Variants in ID4 observed in about 807,000 individuals in gnomAD.
The protein encoded by ID4 is inhibitor of DNA binding 4.
In ID4, 9 loss-of-function variants were observed where a neutral mutation model predicts 8.6. The ratio of observed to expected loss-of-function variants is 1.04; its 90% confidence interval spans 0.63 to 1.82. The LOEUF is 1.82. Among genes scored for constraint, ID4 ranks in the 40% most tolerant of loss-of-function variants. The pLI, the probability that ID4 is intolerant of heterozygous loss-of-function variation, is 0.00. For missense variants in ID4, 270 were observed against 235.1 expected, an observed-to-expected ratio of 1.15 and a Z score of -0.97; for synonymous variants, 180 against 118.0, an observed-to-expected ratio of 1.53 and a Z score of -3.41.
Position 19,839,234 on chromosome 6 carries a change from C to T in ID4, c.*39C>T, listed in dbSNP as rs1203542727. On this transcript the variant is annotated 3_prime_UTR_variant, in exon 3 of 3. Transcript: ENST00000378700. ...GGTGTGCGGCCGCCTGAGCCCGAGC[C>T]AGGAGCACTAGAGAGGGAGGGGGAA... 1.3e-5 allele frequency: 2 copies of T among 152,822 alleles called. No individual in the cohort carries two copies. The highest frequency in any genetic ancestry group is 4.8e-5 in the African/African-American group (2 of 41,362). 9.5% of individuals were successfully genotyped at this position (152,822 alleles called of 1,614,324 possible).
rs1761364590 is a variant in ID4 at position 19,841,842 on chromosome 6, AGTT to A, written c.*2648_*2650del. Among the ~76,000 whole-genome samples, 2 of 152,328 alleles carry A rather than the reference AGTT, an allele frequency of 1.3e-5. No individual in the cohort carries two copies. Among genetic ancestry groups the A allele is most frequent in the African/African-American group, 4.8e-5 (2 of 41,588 alleles). ...GGTAGTTCTAATTATTCAGCTACTTAGTTTAACAAAGGAAAATATCCTGACTTC... is the reference window on the plus strand; with the variant it reads ...GGTAGTTCTAATTATTCAGCTACTTATAACAAAGGAAAATATCCTGACTTC... On this transcript the variant is annotated 3_prime_UTR_variant, in exon 3 of 3. Transcript: ENST00000378700.
chr6:19,838,614 A>G lies in ID4; in HGVS notation c.472A>G (p.Ile158Val). Reference protein sequence around the residue: ...AGAVNKQGDSILCR With the variant: ...AGAVNKQGDSVLCR ...CGCGGTGAACAAGCAGGGCGACAGC[A>G]TTCTGTGCCGCTGAGCCGCGCTGTC... Residue 158 changes from isoleucine to valine, a missense_variant, in exon 2 of 3, where the codon ATT (isoleucine) becomes GTT (valine). Ile to Val is a conservative substitution (Grantham distance 29). Around this residue, in one of 3 missense-constraint regions of ID4, gnomAD observed 107 missense variants for 81.0 expected, o/e 1.32. Transcript: ENST00000378700. The G allele has an allele frequency of 6.2e-7, 1 of 1,613,862 alleles. No individual in the cohort carries two copies. Among genetic ancestry groups the G allele is most frequent in the Non-Finnish European group, 8.5e-7 (1 of 1,179,888 alleles).
Position 19,837,668 on chromosome 6 carries a change from G to T in ID4, c.-87G>T. 1.0e-6 allele frequency: 1 copy of T among 958,692 alleles called. No homozygotes were observed. The highest frequency in any genetic ancestry group is 5.6e-5 in the Admixed American group (1 of 17,958). The allele number at this position is 958,692 out of a possible 1,614,324, so 59.4% of individuals were successfully genotyped here. On this transcript the variant is annotated 5_prime_UTR_variant, in exon 1 of 3. Coordinates refer to ENST00000378700, the MANE Select transcript of ID4 (RefSeq NM_001546.4). Reference sequence around the variant, plus strand: ...GCCGGGCGCGGAGGCAAAGGGAGCGGAGCCGGCCGCGGACGGGGCCCGGAG... The same window carrying T: ...GCCGGGCGCGGAGGCAAAGGGAGCGTAGCCGGCCGCGGACGGGGCCCGGAG...
In ID4 at chr6:19,838,630, C is replaced by G. The variant is rs1761284713; in HGVS notation, c.*2C>G. ...GGCGACAGCATTCTGTGCCGCTGAG[C>G]CGCGCTGTCCAGGTGAGCGCGCATT... On this transcript the variant is annotated 3_prime_UTR_variant, in exon 2 of 3. Coordinates refer to ENST00000378700, the MANE Select transcript of ID4 (RefSeq NM_001546.4). The G allele has an allele frequency of 1.9e-6, 3 of 1,613,740 alleles. No individual in the cohort carries two copies.
In ID4 at chr6:19,842,152, A is replaced by C. The variant is rs148841529; in HGVS notation, c.*2957A>C. ...TTTAAAATTTCGAGCCCACAAATCT[A>C]TTGTATTAGTTGCCTTCTATAACAA... is the stretch of plus-strand genomic sequence containing the variant. On this transcript the variant is annotated 3_prime_UTR_variant, in exon 3 of 3. Coordinates refer to ENST00000378700, the MANE Select transcript of ID4 (RefSeq NM_001546.4). Among the ~76,000 whole-genome samples, 30 of 152,322 alleles carry C rather than the reference A, an allele frequency of 2.0e-4. No individual in the cohort carries two copies. The highest frequency in any genetic ancestry group is 7.0e-4 in the African/African-American group (29 of 41,578).
rs896218939 is a variant in ID4, at chr6:19,840,659, A to G, written c.*1464A>G. ...TGATGTGTAACTTTTACATGTGAATATTAAAGTAGATTTCTCTGTCTTGTA... is the reference window on the plus strand; with the variant it reads ...TGATGTGTAACTTTTACATGTGAATGTTAAAGTAGATTTCTCTGTCTTGTA... On this transcript the variant is annotated 3_prime_UTR_variant, in exon 3 of 3. Coordinates refer to ENST00000378700, the MANE Select transcript of ID4 (RefSeq NM_001546.4). 6.6e-6 allele frequency: 1 copy of G among 152,464 alleles called. No individual in the cohort carries two copies. Among genetic ancestry groups the G allele is most frequent in the Non-Finnish European group, 1.5e-5 (1 of 68,016 alleles). The allele number at this position is 152,464 out of a possible 1,614,324, so 9.4% of individuals were successfully genotyped here.
chr6:19,838,925 A>AGG (rs981246524), intron 2 of ID4: 17 of 480,940 alleles, frequency 3.5e-5, no homozygotes, highest in Admixed American at 1.1e-4. Context: ...CTAGTTCCCG[A>AGG]GGGAGGGCAC....
At position 19,842,170 on chromosome 6, in the gene ID4, T is replaced by C. The variant is rs12175550; in HGVS notation, c.*2975T>C. On this transcript the variant is annotated 3_prime_UTR_variant, in exon 3 of 3. Coordinates refer to ENST00000378700, the MANE Select transcript of ID4 (RefSeq NM_001546.4). ...CAAATCTATTGTATTAGTTGCCTTC[T>C]ATAACAATAAATCTTCACTGAGCAA... Among the ~76,000 whole-genome samples, 1 of 152,380 alleles carries C rather than the reference T, an allele frequency of 6.6e-6. No individual in the cohort carries two copies. Among genetic ancestry groups the C allele is most frequent in the East Asian group, 1.9e-4 (1 of 5,190 alleles).
rs1177564558 is a variant in ID4 at position 19,838,156 on chromosome 6, G to A, written c.402G>A (p.Ala134=). The part of the protein sequence containing the change: ...PHHPAGTCPA[A]PPRTPLTALN... ...ACCCGGCCGGGACCTGTCCAGCCGCGCCGCCGCGGACCCCGCTCACTGCGC... is the reference window on the plus strand; with the variant it reads ...ACCCGGCCGGGACCTGTCCAGCCGCACCGCCGCGGACCCCGCTCACTGCGC... The change falls in exon 1 of 3, where the codon GCG becomes GCA. Residue 134 remains alanine (A), a synonymous_variant. Coordinates refer to ENST00000378700, the MANE Select transcript of ID4 (RefSeq NM_001546.4). 2.0e-6 allele frequency: 3 copies of A among 1,519,170 alleles called. No homozygotes were observed. Among genetic ancestry groups the A allele is most frequent in the East Asian group, 2.6e-5 (1 of 38,178 alleles). 94.1% of individuals were successfully genotyped at this position (1,519,170 alleles called of 1,614,324 possible).
chr6:19,837,744 G>A lies in ID4; in HGVS notation c.-11G>A. 1.8e-6 allele frequency: 2 copies of A among 1,125,402 alleles called. No individual in the cohort carries two copies. Among genetic ancestry groups the A allele is most frequent in the East Asian group, 4.6e-5 (1 of 21,662 alleles). 69.7% of individuals were successfully genotyped at this position (1,125,402 alleles called of 1,614,324 possible). A position where few individuals can be genotyped will look rare whatever the true frequency, so the allele number is the denominator to read the frequency against. On this transcript the variant is annotated 5_prime_UTR_variant, in exon 1 of 3. Coordinates refer to ENST00000378700, the MANE Select transcript of ID4 (RefSeq NM_001546.4). ...AGCGGGTTCGCTCGCGTAGAGCGCA[G>A]GGCGCGCGCGATGAAGGCGGTGAGC...
At position 19,838,689 on chromosome 6, in the gene ID4, C is replaced by T. The variant is rs1761286660; in HGVS notation, c.*14+47C>T. ...CGGGTGGCCGGTCACCAGAGACGCCCGTCCCCGAGGGCTTCCGGGGCCAGG... is the reference window on the plus strand; with the variant it reads ...CGGGTGGCCGGTCACCAGAGACGCCTGTCCCCGAGGGCTTCCGGGGCCAGG... On this transcript the variant is annotated intron_variant, in intron 2 of 2. Coordinates refer to ENST00000378700, the MANE Select transcript of ID4 (RefSeq NM_001546.4). 5 of 1,558,940 alleles carry T rather than the reference C, an allele frequency of 3.2e-6. No individual in the cohort carries two copies. In the South Asian group the frequency reaches 3.4e-5, roughly 10 times the overall value.
At position 19,840,131 on chromosome 6, in the gene ID4, A is replaced by C. The variant is rs1176808893; in HGVS notation, c.*936A>C. 1 of 152,566 alleles carries C rather than the reference A, an allele frequency of 6.6e-6. No homozygotes were observed. The highest frequency in any genetic ancestry group is 1.9e-4 in the East Asian group (1 of 5,196). The allele number at this position is 152,566 out of a possible 1,614,324, so 9.5% of individuals were successfully genotyped here. On this transcript the variant is annotated 3_prime_UTR_variant, in exon 3 of 3. Coordinates refer to ENST00000378700, the MANE Select transcript of ID4 (RefSeq NM_001546.4). ...TGAAAATACACCTTATCAGTTTTTA[A>C]GTACAGGGTTTTATAGTGTAATATA...
Position 19,841,207 on chromosome 6 carries a change from G to C in ID4, c.*2012G>C, listed in dbSNP as rs936515453. ...GTCTTGAGTATTTTGAGAATTTGAT[G>C]TTGAACGTTATAAAGTCAAAGAACT... On this transcript the variant is annotated 3_prime_UTR_variant, in exon 3 of 3. Coordinates refer to ENST00000378700, the MANE Select transcript of ID4 (RefSeq NM_001546.4). Among the ~76,000 whole-genome samples, 4 of 152,200 alleles carry C rather than the reference G, an allele frequency of 2.6e-5. No individual in the cohort carries two copies. Among genetic ancestry groups the C allele is most frequent in the African/African-American group, 9.6e-5 (4 of 41,454 alleles).
chr6:19,837,693 G>A lies in ID4; in HGVS notation c.-62G>A, dbSNP rs550024481. On this transcript the variant is annotated 5_prime_UTR_variant, in exon 1 of 3. Transcript: ENST00000378700. ...GAGCCGGCCGCGGACGGGGCCCGGA[G>A]CTTGCCTGCCTCCCTCGCTCGCCCC... 5.8e-5 allele frequency: 61 copies of A among 1,058,460 alleles called. 1 individual carries two copies. In the South Asian group the frequency reaches 2.0e-3, roughly 35 times the overall value. The allele number at this position is 1,058,460 out of a possible 1,614,324, so 65.6% of individuals were successfully genotyped here.
rs903780874 is a variant in ID4 at position 19,840,827 on chromosome 6, A to G, written c.*1632A>G. Reference sequence around the variant, plus strand: ...ACATTATGCATTTAATGTTATGGGTACTTTACACACAAGTTAGATGGAATT... The same window carrying G: ...ACATTATGCATTTAATGTTATGGGTGCTTTACACACAAGTTAGATGGAATT... On this transcript the variant is annotated 3_prime_UTR_variant, in exon 3 of 3. Transcript: ENST00000378700. 5 of 152,176 alleles carry G rather than the reference A, an allele frequency of 3.3e-5. No homozygotes were observed. The highest frequency in any genetic ancestry group is 4.8e-5 in the African/African-American group (2 of 41,452). The allele number at this position is 152,176 out of a possible 1,614,324, so 9.4% of individuals were successfully genotyped here. A position where few individuals can be genotyped will look rare whatever the true frequency, so the allele number is the denominator to read the frequency against.
rs969487868 is a variant in ID4, at chr6:19,839,381, C to T, written c.*186C>T. 6.5e-6 allele frequency: 1 copy of T among 152,672 alleles called. No individual in the cohort carries two copies. Among genetic ancestry groups the T allele is most frequent in the Admixed American group, 6.5e-5 (1 of 15,284 alleles). The allele number at this position is 152,672 out of a possible 1,614,324, so 9.5% of individuals were successfully genotyped here. A position where few individuals can be genotyped will look rare whatever the true frequency, so the allele number is the denominator to read the frequency against. On this transcript the variant is annotated 3_prime_UTR_variant, in exon 3 of 3. Transcript: ENST00000378700. Reference sequence around the variant, plus strand: ...AAGAAAAATACAACTTTCATTCTTTCTTTGCACGTTCATAAACATTCTACA... The same window carrying T: ...AAGAAAAATACAACTTTCATTCTTTTTTTGCACGTTCATAAACATTCTACA...
chr6:19,838,212 C>G lies in ID4; in HGVS notation c.441+17C>G. Reference sequence around the variant, plus strand: ...ACCGACCCGGTGAGAGGCCGGGCGCCGGCCGTGGGCGGACGCCGCGGGGGA... The same window carrying G: ...ACCGACCCGGTGAGAGGCCGGGCGCGGGCCGTGGGCGGACGCCGCGGGGGA... On this transcript the variant is annotated intron_variant, in intron 1 of 2. Transcript: ENST00000378700. The G allele has an allele frequency of 7.5e-7, 1 of 1,336,980 alleles. No individual in the cohort carries two copies. The highest frequency in any genetic ancestry group is 9.5e-7 in the Non-Finnish European group (1 of 1,050,730). The allele number at this position is 1,336,980 out of a possible 1,614,324, so 82.8% of individuals were successfully genotyped here. A position where few individuals can be genotyped will look rare whatever the true frequency, so the allele number is the denominator to read the frequency against.
At position 19,837,933 on chromosome 6, in the gene ID4, C is replaced by T. The variant is rs1291920733; in HGVS notation, c.179C>T (p.Pro60Leu). 1.4e-5 allele frequency: 21 copies of T among 1,477,512 alleles called. No individual in the cohort carries two copies. Among genetic ancestry groups the T allele is most frequent in the Non-Finnish European group, 1.5e-5 (17 of 1,109,612 alleles). The allele number at this position is 1,477,512 out of a possible 1,614,324, so 91.5% of individuals were successfully genotyped here. The change falls in exon 1 of 3, where the codon CCG becomes CTG. Residue 60 changes from proline (P) to leucine (L), a missense_variant. Physicochemically the swap from Pro to Leu is moderately conservative, Grantham distance 98. This residue lies in a region of ID4 where 160 missense variants were observed against 131.5 expected (regional missense o/e 1.22). Coordinates refer to ENST00000378700, the MANE Select transcript of ID4 (RefSeq NM_001546.4). Reference protein sequence around the residue: ...CKAAEAAADEPALCLQCDMND... With the variant: ...CKAAEAAADELALCLQCDMND... Reference sequence around the variant, plus strand: ...GCGGCCGAGGCGGCGGCCGACGAGCCGGCGCTGTGCCTGCAGTGCGATATG... The same window carrying T: ...GCGGCCGAGGCGGCGGCCGACGAGCTGGCGCTGTGCCTGCAGTGCGATATG...
Position 19,837,788 on chromosome 6 carries a change from CGCAAGGCGCCGTCGGGCT to C in ID4, c.37_54del (p.Lys13_Cys18del). ...GGTGAGCCCGGTGCGCCCCTCGGGC[CGCAAGGCGCCGTCGGGCT>C]GCGGCGGCGGGGAGCTGGCGCTGCG... On this transcript the variant is annotated inframe_deletion, in exon 1 of 3. Coordinates refer to ENST00000378700, the MANE Select transcript of ID4 (RefSeq NM_001546.4). 2 of 1,127,744 alleles carry C rather than the reference CGCAAGGCGCCGTCGGGCT, an allele frequency of 1.8e-6. No individual in the cohort carries two copies. Among genetic ancestry groups the C allele is most frequent in the Non-Finnish European group, 2.2e-6 (2 of 922,256 alleles). The allele number at this position is 1,127,744 out of a possible 1,614,324, so 69.9% of individuals were successfully genotyped here.
Sources: gnomAD v4.1 joint callset for allele counts (sites outside exome capture counted in the v4.1 genomes callset) on GRCh38, gnomAD v4.1.1 for gene constraint, gnomAD v4.1.1 regional missense constraint, MANE v1.5 for transcripts, NCBI Gene and HGNC (gene_info 2026-07-23, HGNC 2026-07-21) for gene names.